The following SHROOM2 variants were observed in gnomAD, a reference collection of about 807,000 sequenced individuals.
SHROOM2 encodes protein Shroom2.
In SHROOM2, 33 loss-of-function variants were observed where a neutral mutation model predicts 75.9. The observed-to-expected ratio is 0.43, with a 90% confidence interval of 0.33 to 0.58. The LOEUF (loss-of-function observed/expected upper bound fraction) is 0.58. Ranked by LOEUF, SHROOM2 falls within the 20% of genes least tolerant of loss-of-function variation. The pLI, the probability that SHROOM2 is intolerant of heterozygous loss-of-function variation, is 0.04. For synonymous variants in SHROOM2, 655 were observed against 663.6 expected, an observed-to-expected ratio of 0.99 and a Z score of 0.20; for missense variants, 1,434 against 1,461.2, an observed-to-expected ratio of 0.98 and a Z score of 0.30.
chrX:9,853,170 C>T, intron 1 of SHROOM2, among the ~76,000 whole-genome samples: 1 of 111,438 alleles, frequency 9.0e-6, no homozygotes. Flanking sequence ...AGAAGCATCC[C>T]GTGGAGGGGT....
chrX:9,946,935 TA>T lies in SHROOM2; in HGVS notation c.4851del (p.Ter1617=). 8.4e-7 allele frequency: 1 copy of T among 1,192,163 alleles called. No individual in the cohort carries two copies. The highest frequency in any genetic ancestry group is 1.1e-6 in the Non-Finnish European group (1 of 884,978). On this transcript the variant is annotated frameshift_variant and stop_lost, in exon 10 of 10. Coordinates refer to ENST00000380913, the MANE Select transcript of SHROOM2 (RefSeq NM_001649.4). LOFTEE classifies it high-confidence loss of function. ...CAGCCTTCAGCCCGAAAGGGGCAAA[TA>T]AGAGACCAGTCCCCGGTGGAGGAGG... ...LDSLQPERGK* is the reference protein window; with the variant it reads ...LDSLQPERGKX
chrX:9,808,390 A>AG (rs1298750807), intron 1 of SHROOM2, among the ~76,000 whole-genome samples: 2 of 107,999 alleles, frequency 1.9e-5, no homozygotes, highest in African/African-American at 3.4e-5. Context: ...CAAAAAAAAA[A>AG]AAAAAAATTA....
At chrX:9,793,895 C>T (rs1212111228) in intron 1 of SHROOM2, among the ~76,000 whole-genome samples, 1 of 110,305 alleles carries the variant, frequency 9.1e-6, no homozygotes, top group African/African-American at 3.3e-5. Context: ...CAGGTGCATG[C>T]CACTATGCCC....
At chrX:9,793,026 C>T (rs1026241732) in intron 1 of SHROOM2, among the ~76,000 whole-genome samples, 2 of 110,339 alleles carry the variant, frequency 1.8e-5, no homozygotes, top group African/African-American at 6.7e-5. Context: ...GTCAGTGTAT[C>T]TTTTATGAGG....
At chrX:9,788,135 A>T (rs967715175) in intron 1 of SHROOM2, among the ~76,000 whole-genome samples, 2 of 108,342 alleles carry the variant, frequency 1.8e-5, no homozygotes, top group Non-Finnish European at 3.8e-5. Flanking sequence ...CTGGTCTCGA[A>T]CTCCTCTGCC....
chrX:9,810,864 C>T (rs1309623753), intron 1 of SHROOM2, among the ~76,000 whole-genome samples: 1 of 111,452 alleles, frequency 9.0e-6, no homozygotes, highest in East Asian at 2.8e-4. Context: ...TTCCACCGTT[C>T]TATTAATCCA....
At chrX:9,807,899 G>A (rs1167828716) in intron 1 of SHROOM2, among the ~76,000 whole-genome samples, 1 of 111,470 alleles carries the variant, frequency 9.0e-6, no homozygotes, top group African/African-American at 3.3e-5. Flanking sequence ...ATGTCAAGGG[G>A]AGGTCAGAGA....
chrX:9,833,634 GTGTGTGTGTGTGCA>G lies in SHROOM2; in HGVS notation c.166-40015_166-40002del, dbSNP rs1205096579. ...TGTGTGTGTGTGTGTGTGTGTGTGTGTGTGTGTGTGTGCATGCACGTGCACACATGATAACAGAA... is the reference window on the plus strand; with the variant it reads ...TGTGTGTGTGTGTGTGTGTGTGTGTGTGCACGTGCACACATGATAACAGAA... On this transcript the variant is annotated intron_variant, in intron 1 of 9. Transcript: ENST00000380913. Among the ~76,000 whole-genome samples the G allele has an allele frequency of 5.5e-3, 603 of 109,523 alleles. 2 individuals are homozygous for G. Among genetic ancestry groups the G allele is most frequent in the African/African-American group, 0.02 (577 of 29,557 alleles).
chrX:9,915,427 T>C (rs1483262671), intron 5 of SHROOM2, among the ~76,000 whole-genome samples: 1 of 112,091 alleles, frequency 8.9e-6, no homozygotes, highest in African/African-American at 3.2e-5. Context: ...GCAAACTCAA[T>C]TTTCTGTCAA....
chrX:9,928,282 C>T (rs1056186053), intron 5 of SHROOM2, among the ~76,000 whole-genome samples: 1 of 112,265 alleles, frequency 8.9e-6, no homozygotes. Flanking sequence ...TCCTTGGGAA[C>T]GTGGCATTAG....
Position 9,932,606 on chromosome X carries a change from G to A in SHROOM2, c.3323G>A (p.Arg1108His), listed in dbSNP as rs770668360. ...GCGTCCCTGGATGTGTATGTGGCCC[G>A]CCTGTCCCTCTCCCACAGCCCCTCT... ...SPASLDVYVA[R>H]LSLSHSPSVF... The change falls in exon 6 of 10, where the codon CGC becomes CAC. Residue 1108 changes from arginine (R) to histidine (H), a missense_variant. Transcript: ENST00000380913. 3.9e-5 allele frequency: 47 copies of A among 1,209,883 alleles called. 1 individual carries two copies. The South Asian group carries it at 5.8e-4, about 15-fold the overall frequency.
At chrX:9,808,221 A>AGG (rs2083767155) in intron 1 of SHROOM2, among the ~76,000 whole-genome samples, 1 of 110,814 alleles carries the variant, frequency 9.0e-6, no homozygotes, top group Non-Finnish European at 1.9e-5. Context: ...GGGAGGCTGA[A>AGG]GGAAGCCTTC....
intron 1 of SHROOM2, among the ~76,000 whole-genome samples, chrX:9,803,569 G>A (rs1482421669): frequency 1.8e-5 from 2 of 111,109 alleles, no homozygotes; most frequent in Non-Finnish European, 1.9e-5. Flanking sequence ...GGTGCTCCGT[G>A]CCTCCTGTCA....
chrX:9,873,015 G>T (rs1285474838), intron 1 of SHROOM2, among the ~76,000 whole-genome samples: 1 of 112,447 alleles, frequency 8.9e-6, no homozygotes, highest in Non-Finnish European at 1.9e-5. Context: ...TGCTAAGTGA[G>T]AGAAGCCAGA....
chrX:9,939,945 C>T (rs922447628), intron 8 of SHROOM2, among the ~76,000 whole-genome samples: 2 of 111,083 alleles, frequency 1.8e-5, no homozygotes, highest in African/African-American at 3.3e-5. Context: ...TGCCACCAAG[C>T]CTTGCTAATT....
chrX:9,807,933 A>G (rs1184667583), intron 1 of SHROOM2, among the ~76,000 whole-genome samples: 1 of 111,321 alleles, frequency 9.0e-6, no homozygotes, highest in African/African-American at 3.3e-5. Flanking sequence ...GCAGGAAAAG[A>G]GGAAGAGAGC....
chrX:9,900,360 A>G (rs1427704351), intron 5 of SHROOM2, among the ~76,000 whole-genome samples: 1 of 112,253 alleles, frequency 8.9e-6, no homozygotes, highest in East Asian at 2.8e-4. Flanking sequence ...GTCAAAGTTC[A>G]GGCAAGGGAT....
In SHROOM2 at chrX:9,892,276, GA is replaced by G. The variant is rs1181395803; in HGVS notation, c.449+1177del. On this transcript the variant is annotated intron_variant, in intron 3 of 9. Coordinates refer to ENST00000380913, the MANE Select transcript of SHROOM2 (RefSeq NM_001649.4). ...TCTTAAAAAAAAAAAAAAAAGAAAA[GA>G]AAAAAAAATACTGGTCTGTAAAATT... Among the ~76,000 whole-genome samples, 8 of 99,181 alleles carry G rather than the reference GA, an allele frequency of 8.1e-5. No homozygotes were observed. In the South Asian group the frequency reaches 1.8e-3, roughly 23 times the overall value. 86.1% of individuals were successfully genotyped at this position (99,181 alleles called of 115,157 possible). A position where few individuals can be genotyped will look rare whatever the true frequency, so the allele number is the denominator to read the frequency against.
intron 1 of SHROOM2, among the ~76,000 whole-genome samples, chrX:9,811,426 C>T (rs752541227): frequency 8.9e-6 from 1 of 112,172 alleles, no homozygotes; most frequent in Admixed American, 9.4e-5. Context: ...TATTAAAATC[C>T]TACTCTACTG....
Sources: allele counts gnomAD v4.1 joint callset (sites outside exome capture counted in the v4.1 genomes callset), GRCh38; gene constraint gnomAD v4.1.1; transcripts MANE v1.5; gene names NCBI Gene and HGNC (gene_info 2026-07-23, HGNC 2026-07-21).